The following DPYD variants were observed in gnomAD, a reference collection of about 807,000 sequenced individuals.
DPYD encodes dihydropyrimidine dehydrogenase [NADP(+)].
DPYD carries 109 observed loss-of-function variants against 116.2 expected under a neutral mutation model. The ratio of observed to expected loss-of-function variants is 0.94; its 90% CI spans 0.80 to 1.10. The LOEUF is 1.10. Among genes scored for constraint, DPYD ranks in the 50% least tolerant of loss-of-function variants. DPYD has a pLI of 0.00. For missense variants in DPYD, 1,302 were observed against 1,254.5 expected, an observed-to-expected ratio of 1.04 and a Z score of -0.57; for synonymous variants, 440 against 432.0, an observed-to-expected ratio of 1.02 and a Z score of -0.23.
At chr1:97,312,173 GA>G (rs1442855958) in intron 16 of DPYD, among the ~76,000 whole-genome samples, 1 of 151,742 alleles carries the variant, frequency 6.6e-6, no homozygotes, top group Non-Finnish European at 1.5e-5. Context: ...CAGCAAATAT[GA>G]AAAGACATCG....
At chr1:97,462,948 C>G (rs1677106736) in intron 13 of DPYD, among the ~76,000 whole-genome samples, 1 of 152,088 alleles carries the variant, frequency 6.6e-6, no homozygotes, top group Admixed American at 6.5e-5. Flanking sequence ...CTCCATAATC[C>G]CTTATCTTAA....
At chr1:97,343,314 CA>C (rs1669676073) in intron 16 of DPYD, among the ~76,000 whole-genome samples, 1 of 152,024 alleles carries the variant, frequency 6.6e-6, no homozygotes, top group Non-Finnish European at 1.5e-5. Flanking sequence ...CTGAAGGAAT[CA>C]AGTAAAGATT....
At chr1:97,080,165 A>C (rs1254285642) in intron 22 of DPYD, among the ~76,000 whole-genome samples, 1 of 151,994 alleles carries the variant, frequency 6.6e-6, no homozygotes, top group Non-Finnish European at 1.5e-5. Flanking sequence ...CAAAAAAAAT[A>C]CAAGAGTTTT....
At chr1:97,904,595 A>C (rs1472795305) in intron 1 of DPYD, among the ~76,000 whole-genome samples, 2 of 151,950 alleles carry the variant, frequency 1.3e-5, no homozygotes, top group Non-Finnish European at 2.9e-5. Flanking sequence ...TTATATTAAC[A>C]AGTTTTACTA....
chr1:97,504,629 C>T (rs1031061299), intron 13 of DPYD, among the ~76,000 whole-genome samples: 4 of 151,830 alleles, frequency 2.6e-5, no homozygotes, highest in Non-Finnish European at 5.9e-5. Flanking sequence ...ATTAGATAAA[C>T]GTTAGTCTAA....
chr1:97,616,481 C>A (rs1656274500), intron 8 of DPYD, among the ~76,000 whole-genome samples: 1 of 151,896 alleles, frequency 6.6e-6, no homozygotes, highest in African/African-American at 2.4e-5. Flanking sequence ...ATTAAAAGAC[C>A]AGAGAGACCA....
chr1:97,107,530 A>C (rs960161756), intron 20 of DPYD, among the ~76,000 whole-genome samples: 5 of 152,098 alleles, frequency 3.3e-5, no homozygotes, highest in Admixed American at 3.3e-4. Context: ...AAGGAACTGC[A>C]CCATCATCAT....
intron 8 of DPYD, among the ~76,000 whole-genome samples, chr1:97,639,776 C>G (rs1657778009): frequency 6.6e-6 from 1 of 152,118 alleles, no homozygotes; most frequent in Non-Finnish European, 1.5e-5. Flanking sequence ...TTCCAATTAT[C>G]TCATTGTTAA....
chr1:97,417,347 A>G (rs924900834), intron 14 of DPYD, among the ~76,000 whole-genome samples: 1 of 152,134 alleles, frequency 6.6e-6, no homozygotes, highest in Non-Finnish European at 1.5e-5. Context: ...TGCTTCTTTT[A>G]TATCTGTATT....
chr1:97,187,584 T>C (rs72726628), intron 20 of DPYD, among the ~76,000 whole-genome samples: 3,716 of 152,172 alleles, frequency 0.024, 58 homozygotes, highest in Non-Finnish European at 0.036. Context: ...TTAAGTCCCA[T>C]TTGTCTATTT....
intron 20 of DPYD, among the ~76,000 whole-genome samples, chr1:97,174,445 T>C (rs956703314): frequency 6.6e-6 from 1 of 150,960 alleles, no homozygotes; most frequent in Non-Finnish European, 1.5e-5. Context: ...CTCCCTGATG[T>C]GAAAGGCCGG....
At chr1:97,676,310 A>AT (rs1299579249) in intron 8 of DPYD, among the ~76,000 whole-genome samples, 1 of 152,172 alleles carries the variant, frequency 6.6e-6, no homozygotes, top group African/African-American at 2.4e-5. Flanking sequence ...CCATGCTTAT[A>AT]TGATCAGGTA....
At chr1:97,903,520 A>G (rs1213701628) in intron 1 of DPYD, among the ~76,000 whole-genome samples, 2 of 151,918 alleles carry the variant, frequency 1.3e-5, no homozygotes, top group African/African-American at 4.8e-5. Flanking sequence ...TAGCAAATCA[A>G]TATCTAACAT....
intron 20 of DPYD, among the ~76,000 whole-genome samples, chr1:97,177,885 G>A (rs188024143): frequency 1.4e-3 from 220 of 152,168 alleles, no homozygotes; most frequent in African/African-American, 4.9e-3. Flanking sequence ...TTGAGACGCT[G>A]GGAGATTTGG....
chr1:97,466,356 A>G lies in DPYD; in HGVS notation c.1741-16133T>C, dbSNP rs1178919637. 1.5e-4 allele frequency among the ~76,000 whole-genome samples: 23 copies of G among 152,324 alleles called. No individual in the cohort carries two copies. The East Asian group carries it at 4.1e-3, about 27-fold the overall frequency. ...TAGCTTTGCAAATCATTAGATGGTTATAAGGAACATCATCATGGTGGCAGT... is the reference window on the plus strand; with the variant it reads ...TAGCTTTGCAAATCATTAGATGGTTGTAAGGAACATCATCATGGTGGCAGT... On this transcript the variant is annotated intron_variant, in intron 13 of 22. Coordinates refer to ENST00000370192, the MANE Select transcript of DPYD (RefSeq NM_000110.4).
chr1:97,803,123 G>C (rs777755260), intron 3 of DPYD, among the ~76,000 whole-genome samples: 3 of 151,760 alleles, frequency 2.0e-5, no homozygotes. Context: ...ATATGGCTAA[G>C]GTTATTAGCT....
intron 8 of DPYD, among the ~76,000 whole-genome samples, chr1:97,669,016 T>C (rs908872264): frequency 5.3e-5 from 8 of 152,028 alleles, no homozygotes; most frequent in African/African-American, 1.9e-4. Context: ...GAATTAAGAG[T>C]TGGATGCACA....
chr1:97,348,700 G>A (rs1280615188), intron 16 of DPYD, among the ~76,000 whole-genome samples: 1 of 152,160 alleles, frequency 6.6e-6, no homozygotes, highest in African/African-American at 2.4e-5. Flanking sequence ...ACAAGGTAAT[G>A]TGAGGGAAAT....
intron 18 of DPYD, among the ~76,000 whole-genome samples, chr1:97,266,439 G>C (rs1428653666): frequency 6.6e-6 from 1 of 152,082 alleles, no homozygotes; most frequent in African/African-American, 2.4e-5. Flanking sequence ...TGCAGTTCAG[G>C]GTTCTGCATC....
Sources: allele counts gnomAD v4.1 joint callset (sites outside exome capture counted in the v4.1 genomes callset), GRCh38; gene constraint gnomAD v4.1.1; transcripts MANE v1.5; gene names NCBI Gene and HGNC (gene_info 2026-07-23, HGNC 2026-07-21).